The following LRP1B variants were observed in gnomAD, a reference collection of about 807,000 sequenced individuals.
The protein encoded by LRP1B is low-density lipoprotein receptor-related protein 1B.
LRP1B carries 217 observed loss-of-function variants against 556.6 expected under a neutral mutation model. The ratio of observed to expected loss-of-function variants is 0.39; its 90% confidence interval spans 0.35 to 0.44. LRP1B has a LOEUF of 0.44. Ranked by LOEUF, LRP1B falls within the 20% of genes least tolerant of loss-of-function variation. The probability of loss-of-function intolerance (pLI) is 1.00; values close to 1 mark genes in which losing one functional copy is unlikely to be tolerated. For synonymous variants in LRP1B, 2,047 were observed against 1,865.8 expected (o/e 1.10, Z -2.50); for missense variants, 5,053 against 5,620.8 (o/e 0.90, Z 3.23).
intron 3 of LRP1B, among the ~76,000 whole-genome samples, chr2:141,347,877 C>T (rs1220447971): frequency 1.3e-5 from 2 of 151,878 alleles, no homozygotes; most frequent in Non-Finnish European, 2.9e-5. Context: ...CAAATTATTA[C>T]CCTGAAACCT....
At chr2:142,069,026 C>G (rs1453644235) in intron 1 of LRP1B, among the ~76,000 whole-genome samples, 1 of 151,358 alleles carries the variant, frequency 6.6e-6, no homozygotes, top group Non-Finnish European at 1.5e-5. Context: ...CGCTCTCCCT[C>G]TCTCTGTCTC....
chr2:140,279,292 T>C (rs1344573567), intron 84 of LRP1B, among the ~76,000 whole-genome samples: 1 of 151,990 alleles, frequency 6.6e-6, no homozygotes, highest in African/African-American at 2.4e-5. Context: ...TTTCAAGTGT[T>C]ATCACGGTGC....
At chr2:141,195,161 T>C (rs1574178925) in intron 6 of LRP1B, among the ~76,000 whole-genome samples, 1 of 152,070 alleles carries the variant, frequency 6.6e-6, no homozygotes, top group East Asian at 1.9e-4. Context: ...GTAACTTCCA[T>C]TCGGTTCTCT....
intron 18 of LRP1B, among the ~76,000 whole-genome samples, chr2:140,968,756 C>T (rs1696316114): frequency 6.6e-6 from 1 of 152,136 alleles, no homozygotes; most frequent in Admixed American, 6.6e-5. Context: ...TTTCAAAGAA[C>T]ATCTTTATTT....
intron 2 of LRP1B, among the ~76,000 whole-genome samples, chr2:141,640,630 A>C (rs1332262287): frequency 6.6e-6 from 1 of 152,026 alleles, no homozygotes; most frequent in East Asian, 1.9e-4. Context: ...ACATGGTGAA[A>C]CCCACCTACA....
chr2:140,245,652 A>G (rs1681126944), intron 87 of LRP1B, among the ~76,000 whole-genome samples: 1 of 151,462 alleles, frequency 6.6e-6, no homozygotes, highest in African/African-American at 2.4e-5. Context: ...AAAATCATAT[A>G]TAAATTAATA....
chr2:141,581,718 G>C (rs1002562964), intron 2 of LRP1B, among the ~76,000 whole-genome samples: 6 of 152,094 alleles, frequency 3.9e-5, no homozygotes, highest in Admixed American at 1.3e-4. Context: ...GCCATATCAT[G>C]TCTTTATAAT....
intron 31 of LRP1B, among the ~76,000 whole-genome samples, chr2:140,837,988 C>G (rs1460336218): frequency 1.3e-5 from 2 of 151,636 alleles, no homozygotes; most frequent in Non-Finnish European, 2.9e-5. Context: ...GAGGGGCCAG[C>G]TATAAATTGT....
intron 1 of LRP1B, among the ~76,000 whole-genome samples, chr2:141,848,637 C>T (rs528895948): frequency 6.6e-6 from 1 of 151,286 alleles, no homozygotes; most frequent in Non-Finnish European, 1.5e-5. Flanking sequence ...TACATTAACA[C>T]CAAATGTATA....
At chr2:141,651,806 G>T (rs747676879) in intron 2 of LRP1B, among the ~76,000 whole-genome samples, 1 of 152,112 alleles carries the variant, frequency 6.6e-6, no homozygotes, top group Admixed American at 6.6e-5. Flanking sequence ...TTTAACTGAG[G>T]TTTACTTTAT....
chr2:141,228,605 G>GTGTGTGTGTA (rs1269306426), intron 6 of LRP1B, among the ~76,000 whole-genome samples: 2 of 151,420 alleles, frequency 1.3e-5, no homozygotes, highest in Non-Finnish European at 2.9e-5. Flanking sequence ...GTGTGTGTGT[G>GTGTGTGTGTA]TGTGTATGTG....
At chr2:140,952,692 T>C (rs1216105751) in intron 18 of LRP1B, among the ~76,000 whole-genome samples, 1 of 152,042 alleles carries the variant, frequency 6.6e-6, no homozygotes, top group Non-Finnish European at 1.5e-5. Context: ...AATTTGAATA[T>C]CAATAAATCT....
intron 1 of LRP1B, among the ~76,000 whole-genome samples, chr2:141,878,752 T>C (rs548369695): frequency 1.3e-5 from 2 of 152,160 alleles, no homozygotes; most frequent in African/African-American, 2.4e-5. Flanking sequence ...TTTCAAGTAA[T>C]GAACAGTCCA....
At chr2:141,154,206 T>C (rs919285185) in intron 7 of LRP1B, among the ~76,000 whole-genome samples, 7 of 151,912 alleles carry the variant, frequency 4.6e-5, no homozygotes, top group Non-Finnish European at 1.0e-4. Context: ...CTAACTCTGT[T>C]ACTGACACAC....
chr2:141,059,320 G>A (rs1176048060), intron 8 of LRP1B, among the ~76,000 whole-genome samples: 1 of 151,698 alleles, frequency 6.6e-6, no homozygotes, highest in African/African-American at 2.4e-5. Flanking sequence ...ATATTTAGTA[G>A]TTATTTTTCA....
intron 41 of LRP1B, among the ~76,000 whole-genome samples, chr2:140,602,706 ATAAT>A (rs1682719550): frequency 1.3e-5 from 2 of 149,540 alleles, no homozygotes; most frequent in Admixed American, 1.4e-4. Context: ...GGGCAAAACA[ATAAT>A]TAAAGTTTTT....
At chr2:141,349,633 G>C (rs552513349) in intron 3 of LRP1B, among the ~76,000 whole-genome samples, 3 of 152,066 alleles carry the variant, frequency 2.0e-5, no homozygotes, top group African/African-American at 4.8e-5. Flanking sequence ...TGGTTGAACT[G>C]ATATCAAAGT....
At position 141,905,228 on chromosome 2, in the gene LRP1B, A is replaced by G. The variant is rs367726928; in HGVS notation, c.83-94827T>C. ...TGAGAGAAGAGAAAATATAATGTCT[A>G]GGACAAAGGGCAGGGCTGGCTCCAA... On this transcript the variant is annotated intron_variant, in intron 1 of 90. Transcript: ENST00000389484. Among the ~76,000 whole-genome samples, 6 of 152,010 alleles carry G rather than the reference A, an allele frequency of 3.9e-5. 1 individual carries two copies. The East Asian group carries it at 9.7e-4, about 24-fold the overall frequency.
intron 7 of LRP1B, among the ~76,000 whole-genome samples, chr2:141,075,515 C>G (rs1470200102): frequency 6.6e-6 from 1 of 152,072 alleles, no homozygotes; most frequent in Admixed American, 6.6e-5. Flanking sequence ...CTTCAGGAAT[C>G]AGTTTTCAGG....
Sources: gnomAD v4.1 joint callset for allele counts (sites outside exome capture counted in the v4.1 genomes callset) on GRCh38, gnomAD v4.1.1 for gene constraint, MANE v1.5 for transcripts, NCBI Gene and HGNC (gene_info 2026-07-23, HGNC 2026-07-21) for gene names.